Variants in CYP4A11 observed in about 807,000 individuals in gnomAD.
CYP4A11 encodes cytochrome P450 family 4 subfamily A member 11.
CYP4A11 carries 52 observed loss-of-function variants against 57.7 expected under a neutral mutation model. That is an observed-to-expected ratio of 0.90 (90% confidence interval 0.72 to 1.14). The LOEUF is 1.14. Ranked by LOEUF, CYP4A11 falls within the 50% of genes most tolerant of loss-of-function variation. The probability of loss-of-function intolerance (pLI) is 0.00; values close to 1 mark genes in which losing one functional copy is unlikely to be tolerated. For synonymous variants in CYP4A11, 228 were observed against 247.1 expected, an observed-to-expected ratio of 0.92 and a Z score of 0.72; for missense variants, 641 against 642.1, an observed-to-expected ratio of 1.00 and a Z score of 0.02.
At chr1:46,935,819 A>G (rs1570087582) in intron 4 of CYP4A11, among the ~76,000 whole-genome samples, 172 bp from the exon 5 acceptor site, 1 of 152,262 alleles carries the variant, frequency 6.6e-6, no homozygotes, top group East Asian at 1.9e-4. Context: ...GAGACTGTAA[A>G]GCCAGTGTTG....
In CYP4A11 at chr1:46,932,753, C is replaced by T. The variant is rs768252910; in HGVS notation, c.1364+8G>A. 2.2e-5 allele frequency: 36 copies of T among 1,614,178 alleles called. No homozygotes were observed. The highest frequency in any genetic ancestry group is 3.0e-5 in the Non-Finnish European group (35 of 1,180,036). On this transcript the variant is annotated splice_region_variant and intron_variant, in intron 11 of 11. Coordinates refer to ENST00000310638, the MANE Select transcript of CYP4A11 (RefSeq NM_000778.4). The stretch of plus-strand genomic sequence containing the variant: ...CCTCTATTCGAATTACCACACAGGA[C>T]GTCTCACCTTGATCCTCCTGAGAAG...
chr1:46,940,869 G>A, intron 1 of CYP4A11: 1 of 985,376 alleles, frequency 1.0e-6, no homozygotes, highest in African/African-American at 1.7e-5. Flanking sequence ...GGGCCAGGCA[G>A]AGTGATGGCA....
At chr1:46,937,476 A>C in intron 2 of CYP4A11, 130 bp from the exon 3 acceptor site, 1 of 935,646 alleles carries the variant, frequency 1.1e-6, no homozygotes, top group Non-Finnish European at 1.7e-6. Context: ...ACTCCCATCC[A>C]CTTCTATTTC....
chr1:46,934,547 T>G lies in CYP4A11; in HGVS notation c.803A>C (p.Gln268Pro), dbSNP rs1226768225. ...CTTCTGTAGTTGAGCCTTCCTCAGT[T>G]GGATCACTTGGTCTGTACCAGAACA... is the stretch of plus-strand genomic sequence containing the variant. ...LAHQHTDQVIQLRKAQLQKEG... is the reference protein window; with the variant it reads ...LAHQHTDQVIPLRKAQLQKEG... The change falls in exon 7 of 12, where the codon CAA becomes CCA. Residue 268 changes from glutamine (Q) to proline (P), a missense_variant. Gln to Pro is a moderately conservative substitution (Grantham distance 76). Coordinates refer to ENST00000310638, the MANE Select transcript of CYP4A11 (RefSeq NM_000778.4). The G allele has an allele frequency of 1.2e-6, 2 of 1,612,894 alleles. No individual in the cohort carries two copies. The highest frequency in any genetic ancestry group is 1.7e-6 in the Non-Finnish European group (2 of 1,179,364).
rs762154121 is a variant in CYP4A11, at chr1:46,941,331, C to A, written c.103G>T (p.Val35Phe). Residue 35 changes from valine to phenylalanine, a missense_variant, in exon 1 of 12, where the codon GTT becomes TTT. Val to Phe is a conservative substitution (Grantham distance 50, BLOSUM62 -1). Transcript: ENST00000310638. ...LILLLLLIKA[V>F]QLYLHRQWLL... Reference sequence around the variant, plus strand: ...CACTGCCTGTGCAGGTAGAGCTGAACTGCCTTGATCAGCAGCAGAAGCAGA... The same window carrying A: ...CACTGCCTGTGCAGGTAGAGCTGAAATGCCTTGATCAGCAGCAGAAGCAGA... 12 of 1,614,198 alleles carry A rather than the reference C, an allele frequency of 7.4e-6. No homozygotes were observed. The highest frequency in any genetic ancestry group is 1.0e-5 in the Non-Finnish European group (12 of 1,180,044).
chr1:46,940,841 T>C (rs935167723), intron 1 of CYP4A11: 1 of 985,278 alleles, frequency 1.0e-6, no homozygotes, highest in Non-Finnish European at 1.2e-6. Context: ...TGGGTGTCTG[T>C]GCTCCCTGGC....
chr1:46,933,754 T>C (rs1681179896), intron 9 of CYP4A11, among the ~76,000 whole-genome samples, 192 bp downstream of exon 9: 1 of 152,216 alleles, frequency 6.6e-6, no homozygotes, highest in African/African-American at 2.4e-5. Context: ...ATTTATTTCT[T>C]GAACTTTTGG....
In CYP4A11 at chr1:46,933,012, G is replaced by A. The variant is rs2148454186; in HGVS notation, c.1258C>T (p.His420Tyr). The A allele has an allele frequency of 1.9e-6, 3 of 1,614,188 alleles. No individual in the cohort carries two copies. The highest frequency in any genetic ancestry group is 2.5e-6 in the Non-Finnish European group (3 of 1,180,034). The change falls in exon 10 of 12, where the codon CAC (histidine) becomes TAC (tyrosine). Residue 420 changes from histidine to tyrosine, a missense_variant. Coordinates refer to ENST00000310638, the MANE Select transcript of CYP4A11 (RefSeq NM_000778.4). ...MVLLSIYGLH[H>Y]NPKVWPNPEV... ...GGGTTGGGCCACACTTTTGGGTTGT[G>A]GTGAAGGCCATAAATGGAGAGGAGG...
intron 6 of CYP4A11, 102 bp from the exon 7 acceptor site, chr1:46,934,661 G>A (rs1681265349): frequency 8.7e-6 from 10 of 1,145,834 alleles, no homozygotes; most frequent in Non-Finnish European, 1.3e-5. Flanking sequence ...GTAGATCTCA[G>A]CATGAATGTG....
In CYP4A11 at chr1:46,934,513, C is replaced by T. The variant is rs1681255344; in HGVS notation, c.837G>A (p.Glu279=). 1.9e-6 allele frequency: 3 copies of T among 1,613,870 alleles called. No homozygotes were observed. In the East Asian group the frequency reaches 6.7e-5, roughly 36 times the overall value. The stretch of plus-strand genomic sequence containing the variant: ...GCCTCTTCCTCTTGATCTTCTCCAG[C>T]TCCCCCTCCTTCTGTAGTTGAGCCT... ...LRKAQLQKEG[E]LEKIKRKRHL... is the part of the protein sequence containing the mutation. The change falls in exon 7 of 12, where the codon GAG becomes GAA. Residue 279 remains glutamate (E), a synonymous_variant. Coordinates refer to ENST00000310638, the MANE Select transcript of CYP4A11 (RefSeq NM_000778.4).
chr1:46,935,596 G>A lies in CYP4A11; in HGVS notation c.562C>T (p.His188Tyr). The A allele has an allele frequency of 6.2e-7, 1 of 1,614,006 alleles. No homozygotes were observed. The highest frequency in any genetic ancestry group is 8.5e-7 in the Non-Finnish European group (1 of 1,179,878). ...GQDSPLEVFQ[H>Y]VSLMTLDTIM... The stretch of plus-strand genomic sequence containing the variant: ...GTGTCCAGGGTCATCAAGGAGACGT[G>A]CTGAAAGACCTCCAGAGGGGAATCC... Residue 188 changes from histidine to tyrosine, a missense_variant, in exon 5 of 12, where the codon CAC becomes TAC. Transcript: ENST00000310638.
intron 8 of CYP4A11, 48 bp downstream of exon 8, chr1:46,934,128 G>A (rs1681218207): frequency 6.2e-7 from 1 of 1,609,060 alleles, no homozygotes; most frequent in Non-Finnish European, 8.5e-7. Context: ...CAGACCAGGG[G>A]CCCCTGTGGA....
intron 9 of CYP4A11, among the ~76,000 whole-genome samples, 196 bp from the exon 10 acceptor site, chr1:46,933,243 A>G (rs1483376710): frequency 2.0e-5 from 3 of 152,220 alleles, no homozygotes; most frequent in African/African-American, 7.2e-5. Context: ...ATAGACAACC[A>G]TTTATGCAGG....
chr1:46,931,571 C>T (rs1411639322), intron 11 of CYP4A11: 10 of 713,678 alleles, frequency 1.4e-5, no homozygotes, highest in Non-Finnish European at 1.7e-5. Context: ...ATGAAATACA[C>T]TGAGAGTAAA....
At chr1:46,935,418 T>C in intron 5 of CYP4A11, 105 bp downstream of exon 5, 1 of 1,519,138 alleles carries the variant, frequency 6.6e-7, no homozygotes, top group Non-Finnish European at 8.8e-7. Context: ...GACTGACTCT[T>C]CCTTTGTGTG....
At chr1:46,933,818 AT>A in intron 9 of CYP4A11, 127 bp downstream of exon 9, 7 of 1,411,606 alleles carry the variant, frequency 5.0e-6, no homozygotes, top group Non-Finnish European at 6.6e-6. Flanking sequence ...AGTACAAAGT[AT>A]GTTTTTGATT....
rs765304868 is a variant in CYP4A11, at chr1:46,934,059, G to A, written c.1109C>T (p.Pro370Leu). Residue 370 changes from proline (P) to leucine (L), a missense_variant, in exon 9 of 12, where the codon CCC becomes CTC. Coordinates refer to ENST00000310638, the MANE Select transcript of CYP4A11 (RefSeq NM_000778.4). ...SITWNHLDQM[P>L]YTTMCIKEAL... ...CTCCTTAATGCACATGGTGGTGTAGGGCATCTGGTCCAGGTGGTTCCTGAA... is the reference window on the plus strand; with the variant it reads ...CTCCTTAATGCACATGGTGGTGTAGAGCATCTGGTCCAGGTGGTTCCTGAA... 3.1e-6 allele frequency: 5 copies of A among 1,613,300 alleles called. No individual in the cohort carries two copies. The highest frequency in any genetic ancestry group is 4.2e-6 in the Non-Finnish European group (5 of 1,179,796).
intron 9 of CYP4A11, 100 bp downstream of exon 9, chr1:46,933,846 G>A: frequency 6.6e-7 from 1 of 1,512,254 alleles, no homozygotes; most frequent in Non-Finnish European, 8.9e-7. Context: ...GAACAAAAGG[G>A]AGACCCAGAG....
chr1:46,938,671 T>A (rs1410137082), intron 1 of CYP4A11, among the ~76,000 whole-genome samples: 1 of 152,216 alleles, frequency 6.6e-6, no homozygotes, highest in Non-Finnish European at 1.5e-5. Context: ...TTCTACATGT[T>A]GAATATGTAC....
Sources: gnomAD v4.1 joint callset for allele counts (sites outside exome capture counted in the v4.1 genomes callset) on GRCh38, gnomAD v4.1.1 for gene constraint, MANE v1.5 for transcripts, NCBI Gene and HGNC (gene_info 2026-07-23, HGNC 2026-07-21) for gene names.